PSG11: variants seen among roughly 807,000 people sequenced by gnomAD.
PSG11 encodes pregnancy-specific beta-1-glycoprotein 11.
Under a neutral mutation model 36.0 loss-of-function variants are expected in PSG11, and 42 were observed. The observed-to-expected ratio is 1.17, with a 90% confidence interval of 0.91 to 1.51. The LOEUF (loss-of-function observed/expected upper bound fraction) is 1.51. PSG11 is among the 40% of genes most tolerant of loss of function. PSG11 has a pLI of 0.00. For synonymous variants in PSG11, 206 were observed against 153.5 expected, an observed-to-expected ratio of 1.34 and a Z score of -2.53; for missense variants, 558 against 403.5, an observed-to-expected ratio of 1.38 and a Z score of -3.28.
At chr19:43,015,685 G>C in intron 3 of PSG11, 1 of 1,576,486 alleles carries the variant, frequency 6.3e-7, no homozygotes, top group Non-Finnish European at 8.6e-7. Flanking sequence ...TCTGTACTTG[G>C]ACCGGAGAGA....
At chr19:43,016,145 C>G in intron 3 of PSG11, 13 of 1,495,170 alleles carry the variant, frequency 8.7e-6, no homozygotes, top group Non-Finnish European at 1.1e-5. Context: ...CTCAGCCCAC[C>G]CGAGTCCTTG....
chr19:43,010,050 GAAAGA>G lies in PSG11; in HGVS notation c.965-14_965-10del, dbSNP rs756750117. Reference sequence around the variant, plus strand: ...TCCTAATCCTGGAGGAGCTGTCATGGAAAGAAAAGAAAAGAAGGAATGAAGGTGAT... The same window carrying G: ...TCCTAATCCTGGAGGAGCTGTCATGGAAAGAAAAGAAGGAATGAAGGTGAT... On this transcript the variant is annotated splice_polypyrimidine_tract_variant and intron_variant, in intron 4 of 5. Transcript: ENST00000320078. 1.9e-5 allele frequency: 31 copies of G among 1,607,644 alleles called. No individual in the cohort carries two copies. Among genetic ancestry groups the G allele is most frequent in the South Asian group, 4.4e-5 (4 of 90,610 alleles).
At chr19:43,023,498 A>AT (rs1201779498) in intron 2 of PSG11, among the ~76,000 whole-genome samples, 1 of 150,512 alleles carries the variant, frequency 6.6e-6, no homozygotes, top group African/African-American at 2.5e-5. Context: ...AGGCCTGGAC[A>AT]TTTTTTTTGC....
chr19:43,026,245 A>G (rs939614209), intron 1 of PSG11, 64 bp downstream of exon 1: 41 of 1,600,132 alleles, frequency 2.6e-5, no homozygotes, highest in Middle Eastern at 1.7e-4. Flanking sequence ...GAGCCTCTCC[A>G]GGAGACCCCA....
chr19:43,015,377 G>C lies in PSG11; in HGVS notation c.710-7C>G, dbSNP rs765151388. 30 of 1,605,852 alleles carry C rather than the reference G, an allele frequency of 1.9e-5. No individual in the cohort carries two copies. Among genetic ancestry groups the C allele is most frequent in the Middle Eastern group, 1.7e-4 (1 of 6,052 alleles). On this transcript the variant is annotated splice_region_variant and splice_polypyrimidine_tract_variant and intron_variant, in intron 3 of 5. Coordinates refer to ENST00000320078, the MANE Select transcript of PSG11 (RefSeq NM_002785.3). ...CTGGGGAGGTCTGGACCATCTGGAG[G>C]AAAGAGAATAAAGCCACAGTTGATG...
chr19:43,021,209 G>A (rs1457787341), intron 2 of PSG11, among the ~76,000 whole-genome samples: 1 of 151,306 alleles, frequency 6.6e-6, no homozygotes, highest in African/African-American at 2.4e-5. Flanking sequence ...AGTTGAATAT[G>A]TTGATCCACT....
chr19:43,018,939 C>A lies in PSG11; in HGVS notation c.540G>T (p.Trp180Cys). The A allele has an allele frequency of 6.2e-7, 1 of 1,612,106 alleles. No individual in the cohort carries two copies. The highest frequency in any genetic ancestry group is 8.5e-7 in the Non-Finnish European group (1 of 1,179,132). The change falls in exon 3 of 6, where the codon TGG becomes TGT. Residue 180 changes from tryptophan (W) to cysteine (C), a missense_variant. Physicochemically the swap from Trp to Cys is radical, Grantham distance 215. Transcript: ENST00000320078. ...NPETPDASYL[W>C]WMNGQSLPMT... ...TAGGGAGGCTCTGACCATTCATCCA[C>A]CACAGGTAGCTTGCGTCCGGAGTCT...
At chr19:43,022,323 C>T (rs949526728) in intron 2 of PSG11, among the ~76,000 whole-genome samples, 4 of 151,372 alleles carry the variant, frequency 2.6e-5, no homozygotes, top group Admixed American at 6.6e-5. Context: ...CTGACCTCAT[C>T]CATACCTATG....
At position 43,022,265 on chromosome 19, in the gene PSG11, G is replaced by A. The variant is rs544682452; in HGVS notation, c.430+2426C>T. Among the ~76,000 whole-genome samples the A allele has an allele frequency of 2.1e-4, 32 of 151,602 alleles. 1 individual carries two copies. The highest frequency in any genetic ancestry group is 3.8e-4 in the Non-Finnish European group (26 of 67,906). On this transcript the variant is annotated intron_variant, in intron 2 of 5. Coordinates refer to ENST00000320078, the MANE Select transcript of PSG11 (RefSeq NM_002785.3). ...ATAACATCACTATTGTAGAACGTGA[G>A]ATTGGTCTTTTGAGATGCTTCTCAT...
At chr19:43,015,038 T>C (rs1224177503) in intron 4 of PSG11, 78 bp downstream of exon 4, 3 of 1,607,968 alleles carry the variant, frequency 1.9e-6, no homozygotes, top group African/African-American at 1.3e-5. Context: ...GGAATAAAAA[T>C]GTTTTCCTGA....
At chr19:43,024,182 A>G (rs1158932721) in intron 2 of PSG11, among the ~76,000 whole-genome samples, 1 of 151,408 alleles carries the variant, frequency 6.6e-6, no homozygotes, top group Non-Finnish European at 1.5e-5. Flanking sequence ...CAGGAGACAC[A>G]GTCCTCAGAC....
intron 3 of PSG11, among the ~76,000 whole-genome samples, chr19:43,016,234 T>C (rs926252934): frequency 3.8e-4 from 57 of 151,434 alleles, no homozygotes; most frequent in African/African-American, 1.4e-3. Context: ...GCCGCCTGCT[T>C]CATCTTAGGA....
In PSG11 at chr19:43,024,495, T is replaced by A. The variant is rs1967186440; in HGVS notation, c.430+196A>T. 3 of 952,688 alleles carry A rather than the reference T, an allele frequency of 3.1e-6. 1 individual carries two copies. The highest frequency in any genetic ancestry group is 1.7e-5 in the African/African-American group (1 of 60,446). The allele number at this position is 952,688 out of a possible 1,614,324, so 59.0% of individuals were successfully genotyped here. On this transcript the variant is annotated intron_variant, in intron 2 of 5. Transcript: ENST00000320078. ...TCCTCTGCAGCGAGTGTCTGCAGGGTCTGGATGCGGGAAAGGAATTCTGAT... is the reference window on the plus strand; with the variant it reads ...TCCTCTGCAGCGAGTGTCTGCAGGGACTGGATGCGGGAAAGGAATTCTGAT...
chr19:43,021,932 G>A (rs1967111046), intron 2 of PSG11, among the ~76,000 whole-genome samples: 1 of 151,428 alleles, frequency 6.6e-6, no homozygotes, highest in Non-Finnish European at 1.5e-5. Context: ...TAGCATGGCT[G>A]ACTCCATCTG....
chr19:43,019,188 C>G lies in PSG11; in HGVS notation c.431-140G>C, dbSNP rs553377648. On this transcript the variant is annotated intron_variant, in intron 2 of 5. Transcript: ENST00000320078. ...CCCATGGCAGGTGTGTGTGTTACAACACAGATGCATGGCATTCTGAAGGCT... is the reference window on the plus strand; with the variant it reads ...CCCATGGCAGGTGTGTGTGTTACAAGACAGATGCATGGCATTCTGAAGGCT... The G allele has an allele frequency of 6.7e-5, 100 of 1,488,872 alleles. 3 individuals are homozygous for G. The Middle Eastern group carries it at 9.9e-4, about 15-fold the overall frequency. 92.2% of individuals were successfully genotyped at this position (1,488,872 alleles called of 1,614,324 possible).
Position 43,024,941 on chromosome 19 carries a change from C to T in PSG11, c.180G>A (p.Gln60=). 6.2e-7 allele frequency: 1 copy of T among 1,611,768 alleles called. No individual in the cohort carries two copies. Among genetic ancestry groups the T allele is most frequent in the Admixed American group, 1.7e-5 (1 of 59,836 alleles). ...DVLLLVHNLP[Q]NLTGYIWYKG... is the part of the protein sequence containing the mutation. ...TGTACCAGATGTAGCCAGTAAGATT[C>T]TGGGGCAAATTGTGGACAAGTAGAA... The change falls in exon 2 of 6, where the codon CAG becomes CAA. Residue 60 remains glutamine (Q), a synonymous_variant. Coordinates refer to ENST00000320078, the MANE Select transcript of PSG11 (RefSeq NM_002785.3).
In PSG11 at chr19:43,014,410, C is replaced by T. The variant is rs763992250; in HGVS notation, c.964+706G>A. The stretch of plus-strand genomic sequence containing the variant: ...TGCTGTGTCCCACGTGCTGTGCCCA[C>T]AGCCTCATACAGCCAGTGACTTCAG... On this transcript the variant is annotated intron_variant, in intron 4 of 5. Coordinates refer to ENST00000320078, the MANE Select transcript of PSG11 (RefSeq NM_002785.3). 9.5e-6 allele frequency: 9 copies of T among 947,138 alleles called. No individual in the cohort carries two copies. In the Middle Eastern group the frequency reaches 1.6e-3, roughly 167 times the overall value. 58.7% of individuals were successfully genotyped at this position (947,138 alleles called of 1,614,324 possible).
rs1311375590 is a variant in PSG11, at chr19:43,024,699, G to T, written c.422C>A (p.Thr141Asn). The T allele has an allele frequency of 5.0e-6, 8 of 1,610,496 alleles. No individual in the cohort carries two copies. Among genetic ancestry groups the T allele is most frequent in the East Asian group, 2.2e-5 (1 of 44,806 alleles). ...CATGTGGAATCACTTACGGTATAAG[G>T]TGAAGGTGAAATATCCAGTTACTCC... is the stretch of plus-strand genomic sequence containing the variant. ...TRGVTGYFTF[T>N]LYLETPKPSI... The change falls in exon 2 of 6, where the codon ACC becomes AAC. Residue 141 changes from threonine (T) to asparagine (N), a missense_variant. Physicochemically the swap from Thr to Asn is moderately conservative, Grantham distance 65. Transcript: ENST00000320078.
In PSG11 at chr19:43,011,024, A is replaced by G. The variant is rs183095368; in HGVS notation, c.965-983T>C. ...ACAATAACCCTGTGAGGTAGACATTATTTCCATTTTGCCAATGAAAAGACA... is the reference window on the plus strand; with the variant it reads ...ACAATAACCCTGTGAGGTAGACATTGTTTCCATTTTGCCAATGAAAAGACA... On this transcript the variant is annotated intron_variant, in intron 4 of 5. Transcript: ENST00000320078. Among the ~76,000 whole-genome samples the G allele has an allele frequency of 1.7e-4, 26 of 150,858 alleles. 1 individual carries two copies. In the East Asian group the frequency reaches 3.3e-3, roughly 19 times the overall value.
Sources: gnomAD v4.1 joint callset for allele counts (sites outside exome capture counted in the v4.1 genomes callset) on GRCh38, gnomAD v4.1.1 for gene constraint, MANE v1.5 for transcripts, NCBI Gene and HGNC (gene_info 2026-07-23, HGNC 2026-07-21) for gene names.